The following COL23A1 variants were observed in gnomAD, a reference collection of about 807,000 sequenced individuals.
The protein encoded by COL23A1 is collagen type XXIII alpha 1 chain, also known as collagen alpha-1(XXIII) chain.
A neutral mutation model predicts 99.3 loss-of-function variants in COL23A1; 97 were observed. That is an observed-to-expected ratio of 0.98 (90% CI 0.83 to 1.16). COL23A1 has a LOEUF of 1.16. Ranked by LOEUF, COL23A1 falls within the 50% of genes most tolerant of loss-of-function variation. The pLI is 0.00. For synonymous variants in COL23A1, 320 were observed against 308.2 expected, an observed-to-expected ratio of 1.04 and a Z score of -0.40; for missense variants, 762 against 757.4, an observed-to-expected ratio of 1.01 and a Z score of -0.07.
intron 2 of COL23A1, among the ~76,000 whole-genome samples, chr5:178,552,618 C>A (rs1224218575): frequency 6.6e-6 from 1 of 151,724 alleles, no homozygotes; most frequent in Non-Finnish European, 1.5e-5. Flanking sequence ...CCCCTGTAAT[C>A]CCAGCACTTT....
intron 8 of COL23A1, among the ~76,000 whole-genome samples, chr5:178,263,532 A>G (rs1765751676): frequency 6.6e-6 from 1 of 152,236 alleles, no homozygotes; most frequent in Admixed American, 6.5e-5. Context: ...GAGGCCCTAC[A>G]GGACCCTTTA....
rs1765243064 is a variant in COL23A1, at chr5:178,415,244, T to A, written c.362-108325A>T. Among the ~76,000 whole-genome samples, 1 of 152,168 alleles carries A rather than the reference T, an allele frequency of 6.6e-6. No individual in the cohort carries two copies. The highest frequency in any genetic ancestry group is 6.5e-5 in the Admixed American group (1 of 15,284). On this transcript the variant is annotated intron_variant, in intron 2 of 28. Coordinates refer to ENST00000390654, the MANE Select transcript of COL23A1 (RefSeq NM_173465.4). The surrounding 1 kb of genome is among the most constrained non-coding windows in gnomAD (Gnocchi z 4.6). ...ACTCTTTTCTCCAGTGGGGTCCACATGGTGCCAGTTACAGTGCTCAGTGGG... is the reference window on the plus strand; with the variant it reads ...ACTCTTTTCTCCAGTGGGGTCCACAAGGTGCCAGTTACAGTGCTCAGTGGG...
intron 1 of COL23A1, among the ~76,000 whole-genome samples, chr5:178,582,274 G>C (rs1018077997): frequency 6.8e-6 from 1 of 146,284 alleles, no homozygotes; most frequent in Non-Finnish European, 1.5e-5. Context: ...GCCATTTCCC[G>C]ACCTGAGAGT....
rs1270366385 is a variant in COL23A1 at position 178,384,117 on chromosome 5, A to G, written c.362-77198T>C. On this transcript the variant is annotated intron_variant, in intron 2 of 28. Transcript: ENST00000390654. This position sits in a 1 kb window ranked among gnomAD's most constrained non-coding sequence, Gnocchi z 5.5. ...CTGCAAAGACCCCTCTTCTCTAGAA[A>G]GGGGTGATGGTAAAATAAGGCTGGC... Among the ~76,000 whole-genome samples, 1 of 152,138 alleles carries G rather than the reference A, an allele frequency of 6.6e-6. No homozygotes were observed. The highest frequency in any genetic ancestry group is 2.4e-5 in the African/African-American group (1 of 41,436).
Position 178,531,024 on chromosome 5 carries a change from C to T in COL23A1, c.361+29658G>A, listed in dbSNP as rs549020545. ...CTGGGATTACAGGCACGCGCCACCA[C>T]GCCTGGCTAATTTTGTATTTTTTAG... On this transcript the variant is annotated intron_variant, in intron 2 of 28. Transcript: ENST00000390654. 4.6e-5 allele frequency among the ~76,000 whole-genome samples: 7 copies of T among 152,250 alleles called. No individual in the cohort carries two copies. In the East Asian group the frequency reaches 7.7e-4, roughly 17 times the overall value.
chr5:178,268,376 A>T (rs563852614), intron 7 of COL23A1, among the ~76,000 whole-genome samples: 35 of 152,262 alleles, frequency 2.3e-4, no homozygotes, highest in African/African-American at 8.4e-4. Context: ...TCCTCCCCAC[A>T]GAGAATACCA....
intron 1 of COL23A1, among the ~76,000 whole-genome samples, chr5:178,564,085 C>T (rs905544624): frequency 6.6e-6 from 1 of 152,220 alleles, no homozygotes; most frequent in African/African-American, 2.4e-5. Flanking sequence ...CACATCTGAA[C>T]CTCTCCCTGA....
chr5:178,280,898 G>A lies in COL23A1; in HGVS notation c.441+7426C>T, dbSNP rs151140171. Among the ~76,000 whole-genome samples the A allele has an allele frequency of 4.6e-5, 7 of 152,296 alleles. No homozygotes were observed. Among genetic ancestry groups the A allele is most frequent in the Non-Finnish European group, 8.8e-5 (6 of 68,022 alleles). Reference sequence around the variant, plus strand: ...GGAGCCGAGGGCGGAGCAGCAGCTCGGGCCCCACTGACCTGGGGTGGCCGC... The same window carrying A: ...GGAGCCGAGGGCGGAGCAGCAGCTCAGGCCCCACTGACCTGGGGTGGCCGC... On this transcript the variant is annotated intron_variant, in intron 5 of 28. Transcript: ENST00000390654. This position sits in a 1 kb window ranked among gnomAD's most constrained non-coding sequence, Gnocchi z 4.9.
At chr5:178,355,872 G>A (rs1761620646) in intron 2 of COL23A1, among the ~76,000 whole-genome samples, 1 of 151,410 alleles carries the variant, frequency 6.6e-6, no homozygotes, top group Non-Finnish European at 1.5e-5. Flanking sequence ...CGAAATGATT[G>A]ACAGCACTGA....
At chr5:178,258,796 G>A in intron 12 of COL23A1, among the ~76,000 whole-genome samples, 1 of 152,070 alleles carries the variant, frequency 6.6e-6, no homozygotes, top group East Asian at 1.9e-4. Context: ...CTGGGCTCAA[G>A]CGATCCTCCC....
chr5:178,389,438 T>C (rs1371051592), intron 2 of COL23A1, among the ~76,000 whole-genome samples: 1 of 152,216 alleles, frequency 6.6e-6, no homozygotes, highest in African/African-American at 2.4e-5. Flanking sequence ...ACGACTAAGC[T>C]GCACAAAAGC....
intron 2 of COL23A1, among the ~76,000 whole-genome samples, chr5:178,532,741 A>G (rs647505): frequency 0.51 from 77,294 of 151,984 alleles, 20,017 homozygotes; most frequent in Non-Finnish European, 0.57. Context: ...GTAATTAGGC[A>G]TACATGCAAT....
intron 18 of COL23A1, 51 bp downstream of exon 18, chr5:178,250,006 CACAG>C (rs1485220490): frequency 1.3e-6 from 2 of 1,579,208 alleles, no homozygotes; most frequent in South Asian, 1.1e-5. Context: ...CACACACACA[CACAG>C]AGCCCAATAC....
rs1758603882 is a variant in COL23A1 at position 178,310,311 on chromosome 5, C to T, written c.362-3392G>A. The stretch of plus-strand genomic sequence containing the variant: ...GGACGGCCTCTCCTGAGTCTCTGGA[C>T]TATCAGGTGCCGAGAGCCCACCATG... On this transcript the variant is annotated intron_variant, in intron 2 of 28. Coordinates refer to ENST00000390654, the MANE Select transcript of COL23A1 (RefSeq NM_173465.4). This position sits in a 1 kb window ranked among gnomAD's most constrained non-coding sequence, Gnocchi z 4.3. 6.6e-6 allele frequency among the ~76,000 whole-genome samples: 1 copy of T among 152,194 alleles called. No homozygotes were observed. Among genetic ancestry groups the T allele is most frequent in the Non-Finnish European group, 1.5e-5 (1 of 68,040 alleles).
chr5:178,501,253 G>A (rs186888865), intron 2 of COL23A1, among the ~76,000 whole-genome samples: 1 of 152,220 alleles, frequency 6.6e-6, no homozygotes, highest in African/African-American at 2.4e-5. Flanking sequence ...CTGAGGAAAT[G>A]AGTAACCTGG....
chr5:178,402,789 T>A (rs72822867), intron 2 of COL23A1, among the ~76,000 whole-genome samples: 49,915 of 151,898 alleles, frequency 0.33, 8,544 homozygotes, highest in South Asian at 0.45. Flanking sequence ...TTACACATTA[T>A]ATGAACGTAT....
At chr5:178,475,603 G>C (rs1027143108) in intron 2 of COL23A1, among the ~76,000 whole-genome samples, 1 of 152,152 alleles carries the variant, frequency 6.6e-6, no homozygotes, top group Non-Finnish European at 1.5e-5. Flanking sequence ...GTTAGTTTTC[G>C]GTTGCTGCAT....
At position 178,256,372 on chromosome 5, in the gene COL23A1, T is replaced by A. The variant is rs374627586; in HGVS notation, c.863A>T (p.Asp288Val). Residue 288 changes from aspartate (D) to valine (V), a missense_variant, in exon 15 of 29, where the codon GAT becomes GTT. Physicochemically the swap from Asp to Val is radical, Grantham distance 152 (BLOSUM62 -3). Coordinates refer to ENST00000390654, the MANE Select transcript of COL23A1 (RefSeq NM_173465.4). ...GCTTACCCGGGGCCCTGCAGCTCCA[T>A]CCGTGCCTCGGTGGCCAGGCTCCCC... The part of the protein sequence containing the change: ...PKGEPGHRGT[D>V]GAAGPRGAPG... 4 of 1,607,282 alleles carry A rather than the reference T, an allele frequency of 2.5e-6. No individual in the cohort carries two copies. In the African/African-American group the frequency reaches 4.0e-5, roughly 16 times the overall value.
At chr5:178,380,428 C>CT (rs892093417) in intron 2 of COL23A1, among the ~76,000 whole-genome samples, 1 of 141,900 alleles carries the variant, frequency 7.0e-6, no homozygotes, top group African/African-American at 2.5e-5. Context: ...TGTGTGTATG[C>CT]TTTTTTCCTG....
Sources: allele counts gnomAD v4.1 joint callset (sites outside exome capture counted in the v4.1 genomes callset), GRCh38; gene constraint gnomAD v4.1.1; non-coding constraint Gnocchi (gnomAD v3.1); transcripts MANE v1.5; gene names NCBI Gene and HGNC (gene_info 2026-07-23, HGNC 2026-07-21).